The following PTTG1IP2 variants were observed in gnomAD, a reference collection of about 807,000 sequenced individuals.
PTTG1IP2 encodes the protein PTTG1IP family member 2.
chr7:90,497,965 A>G lies in PTTG1IP2; in HGVS notation c.*50+3535A>G, dbSNP rs191608199. ...TGTCTCTTCCTTCAGATCTATTAAT[A>G]TTCATATATTTTGTTGAGTGCATGT... On this transcript the variant is annotated intron_variant, in intron 6 of 6. Transcript: ENST00000509356. Among the ~76,000 whole-genome samples, 36 of 151,744 alleles carry G rather than the reference A, an allele frequency of 2.4e-4. 1 individual carries two copies. The East Asian group carries it at 5.6e-3, about 24-fold the overall frequency.
intron 6 of PTTG1IP2, among the ~76,000 whole-genome samples, chr7:90,509,316 T>C (rs929272431): frequency 2.0e-5 from 3 of 152,050 alleles, no homozygotes; most frequent in Admixed American, 1.3e-4. Context: ...GTGGTAGCAC[T>C]GGAAACTGGG....
At chr7:90,484,041 T>C (rs1480255453) in intron 2 of PTTG1IP2, among the ~76,000 whole-genome samples, 2 of 152,080 alleles carry the variant, frequency 1.3e-5, no homozygotes, top group Non-Finnish European at 2.9e-5. Flanking sequence ...AGTTTTTTTT[T>C]TTTTAAATCA....
chr7:90,496,524 C>CT (rs997630294), intron 6 of PTTG1IP2, among the ~76,000 whole-genome samples: 5 of 151,930 alleles, frequency 3.3e-5, no homozygotes, highest in African/African-American at 1.2e-4. Flanking sequence ...AAGTCTCTCT[C>CT]TTTTTTTGTA....
At chr7:90,492,524 C>T (rs1016980877) in intron 5 of PTTG1IP2, among the ~76,000 whole-genome samples, 5 of 152,110 alleles carry the variant, frequency 3.3e-5, no homozygotes, top group Non-Finnish European at 7.4e-5. Flanking sequence ...ACATATTGCG[C>T]CATTGCATTT....
At chr7:90,508,796 TTGAGGCTGTAGAAGCCCTGTGC>T (rs1180840068) in intron 6 of PTTG1IP2, among the ~76,000 whole-genome samples, 17 of 152,188 alleles carry the variant, frequency 1.1e-4, no homozygotes, top group African/African-American at 4.1e-4. Flanking sequence ...GCCACTTACT[TTGAGGCTGTAGAAGCCCTGTGC>T]TGAAACGTAG....
intron 6 of PTTG1IP2, among the ~76,000 whole-genome samples, chr7:90,501,057 T>A (rs1798055643): frequency 6.6e-6 from 1 of 152,238 alleles, no homozygotes; most frequent in Non-Finnish European, 1.5e-5. Context: ...GTTTTTGAAT[T>A]GATTTTACCT....
intron 6 of PTTG1IP2, among the ~76,000 whole-genome samples, chr7:90,494,957 T>A (rs1797976239): frequency 6.6e-6 from 1 of 151,960 alleles, no homozygotes; most frequent in Non-Finnish European, 1.5e-5. Context: ...CTGTAGTGAG[T>A]TATGATTGCG....
At chr7:90,503,125 C>A (rs892251223) in intron 6 of PTTG1IP2, among the ~76,000 whole-genome samples, 37 of 152,210 alleles carry the variant, frequency 2.4e-4, no homozygotes, top group African/African-American at 8.9e-4. Context: ...CTTCGCCTTG[C>A]ACTTTTTTAT....
intron 6 of PTTG1IP2, among the ~76,000 whole-genome samples, chr7:90,510,741 T>G (rs1798179759): frequency 6.6e-6 from 1 of 152,236 alleles, no homozygotes; most frequent in African/African-American, 2.4e-5. Flanking sequence ...AAATGCTGTG[T>G]GAAATTATTC....
chr7:90,500,060 A>G (rs1261830285), intron 6 of PTTG1IP2, among the ~76,000 whole-genome samples: 2 of 152,064 alleles, frequency 1.3e-5, no homozygotes, highest in Non-Finnish European at 2.9e-5. Flanking sequence ...TTAAAAGTCA[A>G]AAAATTAGCC....
At chr7:90,510,915 T>C (rs1236714516) in intron 6 of PTTG1IP2, among the ~76,000 whole-genome samples, 1 of 152,244 alleles carries the variant, frequency 6.6e-6, no homozygotes, top group Non-Finnish European at 1.5e-5. Context: ...AAAATACCAC[T>C]GTAATTAAAT....
chr7:90,477,890 G>A (rs1231261330), intron 1 of PTTG1IP2, among the ~76,000 whole-genome samples: 1 of 152,018 alleles, frequency 6.6e-6, no homozygotes, highest in Non-Finnish European at 1.5e-5. Flanking sequence ...GAGGTCAGGA[G>A]ATCGAGACCA....
At chr7:90,508,263 CAAA>C (rs5885728) in intron 6 of PTTG1IP2, among the ~76,000 whole-genome samples, 3 of 76,924 alleles carry the variant, frequency 3.9e-5, no homozygotes, top group Admixed American at 1.4e-4. Flanking sequence ...GAACTCGTCT[CAAA>C]AAAAAAAAAA....
intron 6 of PTTG1IP2, among the ~76,000 whole-genome samples, chr7:90,511,967 C>G (rs1366054708): frequency 6.6e-6 from 1 of 152,222 alleles, no homozygotes; most frequent in Non-Finnish European, 1.5e-5. Context: ...ATACTTTGCA[C>G]ATAATAAACA....
chr7:90,495,885 TTTG>T (rs1362335212), intron 6 of PTTG1IP2, among the ~76,000 whole-genome samples: 6 of 152,148 alleles, frequency 3.9e-5, no homozygotes, highest in African/African-American at 1.2e-4. Flanking sequence ...TGCACATTTA[TTTG>T]TTGTTGTTGG....
At position 90,508,367 on chromosome 7, in the gene PTTG1IP2, A is replaced by G. The variant is rs547408794; in HGVS notation, c.*51-4911A>G. On this transcript the variant is annotated intron_variant, in intron 6 of 6. Coordinates refer to ENST00000509356, the MANE Select transcript of PTTG1IP2 (RefSeq NM_001365443.2). Reference sequence around the variant, plus strand: ...AAAGCCTAAAGAACTCATGTAGTACATGGAGATCAAATAAGGCTTAATGGA... The same window carrying G: ...AAAGCCTAAAGAACTCATGTAGTACGTGGAGATCAAATAAGGCTTAATGGA... 5.9e-5 allele frequency among the ~76,000 whole-genome samples: 9 copies of G among 152,248 alleles called. 1 individual carries two copies. The highest frequency in any genetic ancestry group is 1.2e-4 in the Non-Finnish European group (8 of 68,002).
At chr7:90,481,616 A>G (rs998184636) in intron 2 of PTTG1IP2, among the ~76,000 whole-genome samples, 1 of 152,122 alleles carries the variant, frequency 6.6e-6, no homozygotes, top group Non-Finnish European at 1.5e-5. Flanking sequence ...CATTGCTGTC[A>G]TTTTTACCCA....
intron 1 of PTTG1IP2, among the ~76,000 whole-genome samples, chr7:90,475,290 G>A (rs985023999): frequency 1.8e-4 from 28 of 152,174 alleles, no homozygotes; most frequent in Admixed American, 1.8e-3. Flanking sequence ...CAGAATAAGT[G>A]CAGGGTCAGA....
chr7:90,476,408 G>T (rs1797747944), intron 1 of PTTG1IP2, among the ~76,000 whole-genome samples: 1 of 152,118 alleles, frequency 6.6e-6, no homozygotes. Context: ...AGAAAGAGAA[G>T]AGTAAAAACA....
Sources: allele counts gnomAD v4.1 joint callset (sites outside exome capture counted in the v4.1 genomes callset), GRCh38; gene constraint gnomAD v4.1.1; transcripts MANE v1.5; gene names NCBI Gene and HGNC (gene_info 2026-07-23, HGNC 2026-07-21).